PDXDC1: variants seen among roughly 807,000 people sequenced by gnomAD.
The protein encoded by PDXDC1 is pyridoxal dependent decarboxylase domain containing 1.
Under a neutral mutation model 100.1 loss-of-function variants are expected in PDXDC1, and 42 were observed. The ratio of observed to expected loss-of-function variants is 0.42; its 90% confidence interval spans 0.33 to 0.54. The LOEUF (loss-of-function observed/expected upper bound fraction) is 0.54. PDXDC1 is among the 20% of genes least tolerant of loss of function. The pLI is 0.10. For synonymous variants in PDXDC1, 260 were observed against 371.7 expected (o/e 0.70, Z 3.46); for missense variants, 636 against 979.2 (o/e 0.65, Z 4.68).
downstream of PDXDC1, among the ~76,000 whole-genome samples, chr16:15,141,166 C>G (rs1393899984): frequency 6.6e-6 from 1 of 152,194 alleles, no homozygotes; most frequent in African/African-American, 2.4e-5. Flanking sequence ...CCCTGCCAGC[C>G]TCCAGCCAGC....
chr16:15,050,866 C>T (rs1044812866), intron 16 of PDXDC1, among the ~76,000 whole-genome samples: 1 of 152,178 alleles, frequency 6.6e-6, no homozygotes, highest in African/African-American at 2.4e-5. Flanking sequence ...GAAAATGAGA[C>T]AAGCCCCTTA....
intron 16 of PDXDC1, chr16:15,094,324 G>T (rs2151834210): frequency 1.7e-6 from 2 of 1,203,850 alleles, no homozygotes; most frequent in Admixed American, 2.3e-5. Context: ...GCGTGCCAGC[G>T]CAACCTTCAG....
intron 16 of PDXDC1, among the ~76,000 whole-genome samples, chr16:15,072,375 A>G (rs11075255): frequency 0.5 from 76,501 of 151,966 alleles, 21,490 homozygotes; most frequent in Admixed American, 0.64. Flanking sequence ...ACAGTTAATT[A>G]CCCCATATGA....
chr16:15,135,517 C>A (rs542322278), intron 16 of PDXDC1: 2 of 1,115,636 alleles, frequency 1.8e-6, no homozygotes, highest in Admixed American at 1.9e-5. Flanking sequence ...CGCGGGAGAC[C>A]CCCTCCCCAT....
At chr16:15,087,555 T>G (rs1327428684) in intron 16 of PDXDC1, among the ~76,000 whole-genome samples, 2 of 152,134 alleles carry the variant, frequency 1.3e-5, no homozygotes, top group East Asian at 3.8e-4. Context: ...CATATCCATG[T>G]GTCAAACTCC....
chr16:15,023,099 GAA>G (rs2042328947), intron 13 of PDXDC1, among the ~76,000 whole-genome samples: 1 of 152,298 alleles, frequency 6.6e-6, no homozygotes, highest in Non-Finnish European at 1.5e-5. Flanking sequence ...TTCCCAAAAT[GAA>G]AAGTCACTTT....
rs772697379 is a variant in PDXDC1, at chr16:15,038,025, T to C, written c.*1750T>C. On this transcript the variant is annotated 3_prime_UTR_variant, in exon 23 of 23. Transcript: ENST00000396410. ...AGAAGGTGCTTTCTTTGGTAATTCA[T>C]GTTTTTTAACTTCCTGGAGAAGAGA... 7 of 1,607,848 alleles carry C rather than the reference T, an allele frequency of 4.4e-6. No homozygotes were observed. The highest frequency in any genetic ancestry group is 5.9e-6 in the Non-Finnish European group (7 of 1,177,176).
In PDXDC1 at chr16:15,048,161, ATG is replaced by A. The variant is rs1411281035; in HGVS notation, c.1399+18108_1399+18109del. The A allele has an allele frequency of 1.4e-5, 17 of 1,226,668 alleles. No individual in the cohort carries two copies. In the Admixed American group the frequency reaches 1.6e-4, roughly 11 times the overall value. The allele number at this position is 1,226,668 out of a possible 1,614,324, so 76.0% of individuals were successfully genotyped here. ...ATTAGTGAGGATGGAAAAACTAAAG[ATG>A]TGGAGAGAGCCAAAGTGGGCTCTGC... On this transcript the variant is annotated intron_variant, in intron 16 of 16. Transcript: ENST00000535621.
intron 16 of PDXDC1, among the ~76,000 whole-genome samples, chr16:15,064,761 G>C (rs1376847993): frequency 6.6e-6 from 1 of 152,210 alleles, no homozygotes; most frequent in Non-Finnish European, 1.5e-5. Context: ...TTTGCATCTG[G>C]TGAAATATAC....
intron 1 of PDXDC1, chr16:14,990,088 G>A: frequency 6.7e-7 from 1 of 1,490,804 alleles, no homozygotes; most frequent in Non-Finnish European, 8.9e-7. Flanking sequence ...AGGCCAAGCA[G>A]GCAGAGGAGG....
At chr16:15,131,066 T>G (rs781589088) in intron 16 of PDXDC1, 1 of 1,599,556 alleles carries the variant, frequency 6.3e-7, no homozygotes, top group Non-Finnish European at 8.5e-7. Context: ...GGGCCGCGTG[T>G]GCCTCACCCG....
intron 16 of PDXDC1, among the ~76,000 whole-genome samples, chr16:15,062,358 C>T (rs888597372): frequency 1.4e-4 from 21 of 152,162 alleles, no homozygotes; most frequent in East Asian, 7.7e-4. Context: ...ATGAATTACA[C>T]GCCCCTCAAC....
At chr16:15,057,654 A>G (rs1208737044) in intron 16 of PDXDC1, among the ~76,000 whole-genome samples, 1 of 152,234 alleles carries the variant, frequency 6.6e-6, no homozygotes, top group Non-Finnish European at 1.5e-5. Context: ...GCCTGGAGCA[A>G]GTTACTTAAC....
intron 16 of PDXDC1, chr16:15,123,591 A>G: frequency 3.0e-6 from 2 of 672,054 alleles, no homozygotes; most frequent in Non-Finnish European, 5.1e-6. Context: ...ACAAATGTAC[A>G]TACATTCATT....
At chr16:15,058,557 T>A (rs570480877) in intron 16 of PDXDC1, among the ~76,000 whole-genome samples, 1 of 152,174 alleles carries the variant, frequency 6.6e-6, no homozygotes, top group African/African-American at 2.4e-5. Flanking sequence ...TGAAACTCCA[T>A]CTCTACTAAA....
chr16:15,151,729 C>G, the PDXDC1 span, among the ~76,000 whole-genome samples: 1 of 115,116 alleles, frequency 8.7e-6, no homozygotes, highest in African/African-American at 2.7e-5. Flanking sequence ...GTCAGGAGTT[C>G]AAGACCAGCC....
chr16:15,008,874 T>C (rs1207997726), intron 7 of PDXDC1, 27 bp downstream of exon 7: 1 of 1,604,584 alleles, frequency 6.2e-7, no homozygotes, highest in Non-Finnish European at 8.5e-7. Flanking sequence ...GTTTGTAAAA[T>C]CATGTGGGAT....
chr16:15,018,227 C>T (rs1195175854), intron 11 of PDXDC1, among the ~76,000 whole-genome samples: 2 of 152,136 alleles, frequency 1.3e-5, no homozygotes, highest in Admixed American at 6.5e-5. Context: ...ATGGTGAAAC[C>T]TCATCTCTAT....
At chr16:15,051,376 A>T (rs1338916545) in intron 16 of PDXDC1, among the ~76,000 whole-genome samples, 3 of 152,216 alleles carry the variant, frequency 2.0e-5, no homozygotes, top group African/African-American at 7.2e-5. Context: ...CTTTTTTTAA[A>T]CAGGGTCTTA....
Sources: allele counts gnomAD v4.1 joint callset (sites outside exome capture counted in the v4.1 genomes callset), GRCh38; gene constraint gnomAD v4.1.1; transcripts MANE v1.5; gene names NCBI Gene and HGNC (gene_info 2026-07-23, HGNC 2026-07-21).